Variants in IGF2BP2 observed in about 807,000 individuals in gnomAD.
IGF2BP2 encodes the protein insulin like growth factor 2 mRNA binding protein 2.
A neutral mutation model predicts 75.8 loss-of-function variants in IGF2BP2; 17 were observed. That is an observed-to-expected ratio of 0.22 (90% CI 0.15 to 0.34). IGF2BP2 has a LOEUF of 0.34. IGF2BP2 is among the 10% of genes least tolerant of loss of function. The probability of loss-of-function intolerance (pLI) is 1.00; values close to 1 mark genes in which losing one functional copy is unlikely to be tolerated. For missense variants in IGF2BP2, 516 were observed against 772.4 expected (o/e 0.67, Z 3.93); for synonymous variants, 288 against 295.6 (o/e 0.97, Z 0.26).
intron 2 of IGF2BP2, among the ~76,000 whole-genome samples, chr3:185,711,824 C>T (rs1176616088): frequency 1.3e-5 from 2 of 152,160 alleles, no homozygotes; most frequent in Non-Finnish European, 2.9e-5. Context: ...AGTAGGTGCC[C>T]TCTCCTTTGC....
chr3:185,677,061 A>ATATATATATATATATAT (rs1409371216), intron 7 of IGF2BP2, among the ~76,000 whole-genome samples: 2 of 72,678 alleles, frequency 2.8e-5, no homozygotes, highest in African/African-American at 1.2e-4. Flanking sequence ...ATATATATAT[A>ATATATATATATATATAT]TATATATAGA....
At chr3:185,807,153 A>G (rs1392469924) in intron 2 of IGF2BP2, among the ~76,000 whole-genome samples, 1 of 152,170 alleles carries the variant, frequency 6.6e-6, no homozygotes, top group South Asian at 2.1e-4. Context: ...AAAATTTTCA[A>G]TTAGGCACTG....
intron 10 of IGF2BP2, among the ~76,000 whole-genome samples, chr3:185,664,863 G>A (rs1717039136): frequency 3.9e-5 from 6 of 152,078 alleles, no homozygotes; most frequent in Admixed American, 3.9e-4. Flanking sequence ...GAGAAGCAAC[G>A]CTAAAATTAA....
chr3:185,739,698 T>C (rs1393222128), intron 2 of IGF2BP2, among the ~76,000 whole-genome samples: 1 of 152,206 alleles, frequency 6.6e-6, no homozygotes, highest in South Asian at 2.1e-4. Flanking sequence ...AGCCCCACAA[T>C]GCAACCCAGA....
intron 2 of IGF2BP2, among the ~76,000 whole-genome samples, chr3:185,721,269 G>A (rs953573382): frequency 6.6e-6 from 1 of 152,016 alleles, no homozygotes; most frequent in African/African-American, 2.4e-5. Flanking sequence ...GAGTGCAGTG[G>A]TGCAATCTCA....
intron 7 of IGF2BP2, among the ~76,000 whole-genome samples, chr3:185,681,908 T>C (rs1234228383): frequency 1.3e-5 from 2 of 152,158 alleles, no homozygotes; most frequent in African/African-American, 4.8e-5. Flanking sequence ...TATACAAAGA[T>C]TAACTCAAAA....
intron 2 of IGF2BP2, among the ~76,000 whole-genome samples, chr3:185,772,252 T>A (rs1216147681): frequency 1.3e-5 from 2 of 152,232 alleles, no homozygotes; most frequent in Non-Finnish European, 2.9e-5. Context: ...GTTTGCTGAA[T>A]AATGAATACT....
At chr3:185,774,565 A>T (rs1219162094) in intron 2 of IGF2BP2, among the ~76,000 whole-genome samples, 1 of 150,164 alleles carries the variant, frequency 6.7e-6, no homozygotes. Flanking sequence ...ACTGCACTCC[A>T]GCCTGGGCAA....
chr3:185,738,929 G>A (rs1729184335), intron 2 of IGF2BP2, among the ~76,000 whole-genome samples: 1 of 152,106 alleles, frequency 6.6e-6, no homozygotes, highest in South Asian at 2.1e-4. Flanking sequence ...AAGTTAAGAT[G>A]AATAACTTTC....
intron 2 of IGF2BP2, among the ~76,000 whole-genome samples, chr3:185,740,085 C>T (rs940391225): frequency 6.6e-6 from 1 of 151,984 alleles, no homozygotes; most frequent in Admixed American, 6.6e-5. Flanking sequence ...TGGGCTCAAG[C>T]AATCCACCCG....
At chr3:185,675,113 C>A in intron 9 of IGF2BP2, 183 bp downstream of exon 9, 1 of 438,410 alleles carries the variant, frequency 2.3e-6, no homozygotes, top group Non-Finnish European at 3.9e-6. Flanking sequence ...AATGTCTTCA[C>A]GTGATGTTGT....
At chr3:185,724,921 T>C (rs1727098771) in intron 2 of IGF2BP2, 1 of 152,184 alleles carries the variant, frequency 6.6e-6, no homozygotes, top group African/African-American at 2.4e-5. Flanking sequence ...AACCAGATCA[T>C]AGCATGCCTT....
At chr3:185,675,184 G>A (rs1051653885) in intron 9 of IGF2BP2, 112 bp downstream of exon 9, 4 of 1,041,408 alleles carry the variant, frequency 3.8e-6, no homozygotes, top group Non-Finnish European at 5.5e-6. Flanking sequence ...TTTTATCCTA[G>A]GAAGTCAGGA....
rs1159568857 is a variant in IGF2BP2 at position 185,707,295 on chromosome 3, CTTTTTTTTTTTTTTTTTT to C, written c.240-8966_240-8949del. ...TTATATTCAGTGTGTAACGAAGGGG[CTTTTTTTTTTTTTTTTTT>C]TTTTTTTTTTTTGAGATGGAGTCTC... is the stretch of plus-strand genomic sequence containing the variant. On this transcript the variant is annotated intron_variant, in intron 2 of 15. Transcript: ENST00000382199. Among the ~76,000 whole-genome samples the C allele has an allele frequency of 1.0e-4, 4 of 39,846 alleles. No individual in the cohort carries two copies. In the Admixed American group the frequency reaches 1.1e-3, roughly 11 times the overall value. The allele number at this position is 39,846 out of a possible 152,430, so 26.1% of individuals were successfully genotyped here.
chr3:185,822,260 A>G (rs1741463108), intron 2 of IGF2BP2, among the ~76,000 whole-genome samples: 1 of 152,224 alleles, frequency 6.6e-6, no homozygotes, highest in Non-Finnish European at 1.5e-5. Flanking sequence ...AACTTCATTG[A>G]ACAGCTCCAG....
chr3:185,804,030 G>A (rs1373050113), intron 2 of IGF2BP2, among the ~76,000 whole-genome samples: 4 of 151,986 alleles, frequency 2.6e-5, no homozygotes, highest in African/African-American at 4.8e-5. Flanking sequence ...AGGCTGAGGC[G>A]GGTGGATCAC....
chr3:185,711,578 A>G (rs977140303), intron 2 of IGF2BP2, among the ~76,000 whole-genome samples: 1 of 152,244 alleles, frequency 6.6e-6, no homozygotes, highest in Non-Finnish European at 1.5e-5. Context: ...AGGCTCCAGC[A>G]GGACCCACCA....
At chr3:185,672,232 C>G (rs1222404670) in intron 10 of IGF2BP2, among the ~76,000 whole-genome samples, 2 of 152,118 alleles carry the variant, frequency 1.3e-5, no homozygotes, top group Non-Finnish European at 2.9e-5. Context: ...ATGAAATGTT[C>G]TTATTTGAGC....
chr3:185,731,700 C>A (rs1373394416), intron 2 of IGF2BP2, among the ~76,000 whole-genome samples: 1 of 151,976 alleles, frequency 6.6e-6, no homozygotes, highest in South Asian at 2.1e-4. Flanking sequence ...CTTGGCCAGG[C>A]GCAGTGGCTC....
Sources: allele counts gnomAD v4.1 joint callset (sites outside exome capture counted in the v4.1 genomes callset), GRCh38; gene constraint gnomAD v4.1.1; transcripts MANE v1.5; gene names NCBI Gene and HGNC (gene_info 2026-07-23, HGNC 2026-07-21).